The following SVOPL variants were observed in gnomAD, a reference collection of about 807,000 sequenced individuals.
SVOPL encodes the protein SVOP like, also known as putative transporter SVOPL.
SVOPL carries 60 observed loss-of-function variants against 61.0 expected under a neutral mutation model. That is an observed-to-expected ratio of 0.98 (90% CI 0.80 to 1.22). SVOPL has a LOEUF of 1.22. Ranked by LOEUF, SVOPL falls within the 50% of genes most tolerant of loss-of-function variation. SVOPL has a pLI of 0.00. For synonymous variants in SVOPL, 279 were observed against 250.0 expected (o/e 1.12, Z -1.09); for missense variants, 662 against 643.9 (o/e 1.03, Z -0.30).
chr7:138,596,987 A>T, intron 14 of SVOPL: 1 of 1,133,860 alleles, frequency 8.8e-7, no homozygotes, highest in Non-Finnish European at 1.1e-6. Flanking sequence ...GTTATCTCAG[A>T]GTCTCTGAAA....
At chr7:138,660,550 T>G in intron 5 of SVOPL, 1 of 985,998 alleles carries the variant, frequency 1.0e-6, no homozygotes, top group Middle Eastern at 5.2e-4. Context: ...AAAGATGTAC[T>G]TTCATACATG....
chr7:138,662,821 T>C (rs1802057827), intron 5 of SVOPL: 3 of 1,310,802 alleles, frequency 2.3e-6, no homozygotes, highest in African/African-American at 3.0e-5. Context: ...GGTAGAGATT[T>C]CTTAGAACTC....
intron 1 of SVOPL, among the ~76,000 whole-genome samples, chr7:138,700,626 A>T (rs1171134670): frequency 6.6e-6 from 1 of 152,050 alleles, no homozygotes; most frequent in Non-Finnish European, 1.5e-5. Flanking sequence ...GGCGTGAGCC[A>T]CCGCACCCGG....
chr7:138,614,090 C>A (rs913234696), intron 14 of SVOPL, among the ~76,000 whole-genome samples: 1 of 152,130 alleles, frequency 6.6e-6, no homozygotes, highest in Non-Finnish European at 1.5e-5. Context: ...ATTCTTGATT[C>A]TATGCTAACA....
At chr7:138,625,895 A>G in intron 13 of SVOPL, 74 bp downstream of exon 13, 4 of 1,452,938 alleles carry the variant, frequency 2.8e-6, no homozygotes, top group East Asian at 2.3e-5. Flanking sequence ...CCAGGCATGC[A>G]TTACCTTTGG....
At chr7:138,686,405 C>CAAAAAA (rs200553829) in intron 1 of SVOPL, among the ~76,000 whole-genome samples, 12 of 88,702 alleles carry the variant, frequency 1.4e-4, no homozygotes, top group African/African-American at 3.8e-4. Context: ...GACTCCGCCT[C>CAAAAAA]AAAAAAAAAA....
At chr7:138,675,174 G>A in intron 3 of SVOPL, among the ~76,000 whole-genome samples, 1 of 151,714 alleles carries the variant, frequency 6.6e-6, no homozygotes. Context: ...GCCGAGGTGG[G>A]AGGATTGCTT....
At position 138,699,629 on chromosome 7, in the gene SVOPL, C is replaced by T. The variant is rs115862145; in HGVS notation, c.-35+1549G>A. Among the ~76,000 whole-genome samples, 694 of 152,234 alleles carry T rather than the reference C, an allele frequency of 4.6e-3. 4 individuals carry two copies. The highest frequency in any genetic ancestry group is 0.016 in the African/African-American group (669 of 41,538). ...GCACGACAAAATGGATACTTTTCACCAAAATTCTCCTGTGTTCTACATTGC... is the reference window on the plus strand; with the variant it reads ...GCACGACAAAATGGATACTTTTCACTAAAATTCTCCTGTGTTCTACATTGC... On this transcript the variant is annotated intron_variant, in intron 1 of 15. Transcript: ENST00000674285.
chr7:138,647,254 A>G (rs1866596), intron 8 of SVOPL, among the ~76,000 whole-genome samples: 27,615 of 151,874 alleles, frequency 0.18, 4,299 homozygotes, highest in African/African-American at 0.4. Context: ...CGCACCTGGC[A>G]CCTATAGTCC....
intron 14 of SVOPL, among the ~76,000 whole-genome samples, chr7:138,609,701 T>C (rs1037252292): frequency 7.8e-6 from 1 of 127,628 alleles, no homozygotes; most frequent in African/African-American, 2.9e-5. Flanking sequence ...ACAAGGATGC[T>C]CATTACTGTT....
intron 15 of SVOPL, 113 bp downstream of exon 15, chr7:138,596,304 A>G: frequency 1.1e-6 from 1 of 885,916 alleles, no homozygotes; most frequent in South Asian, 2.1e-5. Context: ...ACAGAAAGAA[A>G]TCTGATATGA....
intron 8 of SVOPL, among the ~76,000 whole-genome samples, chr7:138,646,628 C>T (rs902485062): frequency 3.3e-5 from 5 of 152,142 alleles, no homozygotes; most frequent in African/African-American, 1.2e-4. Flanking sequence ...GAGCAACCCT[C>T]CCATCTCAGC....
At chr7:138,660,051 A>G (rs1801936161) in intron 5 of SVOPL, 63 bp from the exon 6 acceptor site, 1 of 1,537,624 alleles carries the variant, frequency 6.5e-7, no homozygotes, top group African/African-American at 1.4e-5. Flanking sequence ...AGAAGCCCTA[A>G]CTTCTGAAGG....
chr7:138,699,259 G>A (rs1281684787), intron 1 of SVOPL, among the ~76,000 whole-genome samples: 3 of 152,032 alleles, frequency 2.0e-5, no homozygotes, highest in African/African-American at 7.2e-5. Context: ...AGCTGAGATT[G>A]TGCCATTGCA....
chr7:138,655,241 C>T (rs139903086), intron 7 of SVOPL, among the ~76,000 whole-genome samples: 3,732 of 151,694 alleles, frequency 0.025, 188 homozygotes, highest in East Asian at 0.23. Context: ...CAGTGCCTCA[C>T]GCCTGTAATC....
intron 9 of SVOPL, among the ~76,000 whole-genome samples, chr7:138,635,714 C>A (rs1800436923): frequency 6.6e-6 from 1 of 152,084 alleles, no homozygotes; most frequent in African/African-American, 2.4e-5. Context: ...CCCAAATGTG[C>A]CTGATACTCA....
intron 7 of SVOPL, among the ~76,000 whole-genome samples, chr7:138,654,347 T>C (rs1025799565): frequency 1.3e-5 from 2 of 152,204 alleles, no homozygotes; most frequent in African/African-American, 2.4e-5. Context: ...ATTACACGAA[T>C]GTATTATCAC....
At chr7:138,677,543 T>C (rs939390593) in intron 3 of SVOPL, among the ~76,000 whole-genome samples, 1 of 152,194 alleles carries the variant, frequency 6.6e-6, no homozygotes, top group Non-Finnish European at 1.5e-5. Flanking sequence ...CCTGCAAAGC[T>C]GTTCTTTGTG....
intron 9 of SVOPL, among the ~76,000 whole-genome samples, chr7:138,642,617 G>A (rs962200505): frequency 4.6e-5 from 7 of 151,476 alleles, no homozygotes; most frequent in South Asian, 2.1e-4. Context: ...TCTTGAGCTC[G>A]GGAGTTCAAG....
Sources: gnomAD v4.1 joint callset for allele counts (sites outside exome capture counted in the v4.1 genomes callset) on GRCh38, gnomAD v4.1.1 for gene constraint, MANE v1.5 for transcripts, NCBI Gene and HGNC (gene_info 2026-07-23, HGNC 2026-07-21) for gene names.